ZNF804A: variants seen among roughly 807,000 people sequenced by gnomAD.
ZNF804A encodes the protein zinc finger protein 804A.
A neutral mutation model predicts 16.5 loss-of-function variants in ZNF804A; 2 were observed. The ratio of observed to expected loss-of-function variants is 0.12; its 90% CI spans 0.05 to 0.38. ZNF804A has a LOEUF of 0.38. ZNF804A is among the 10% of genes least tolerant of loss of function. ZNF804A has a pLI of 0.99. For missense variants in ZNF804A, 1,473 were observed against 1,390.7 expected (o/e 1.06, Z -0.94); for synonymous variants, 534 against 489.6 (o/e 1.09, Z -1.20).
chr2:184,911,468 C>G (rs1324636259), intron 2 of ZNF804A, among the ~76,000 whole-genome samples: 2 of 151,898 alleles, frequency 1.3e-5, no homozygotes, highest in Non-Finnish European at 2.9e-5. Context: ...TTTTTGGTTC[C>G]TTATCCATTT....
chr2:184,829,917 A>AAAAAAC (rs1558974918), intron 1 of ZNF804A, among the ~76,000 whole-genome samples: 1 of 106,394 alleles, frequency 9.4e-6, no homozygotes, highest in East Asian at 2.2e-4. Context: ...AAAAAAAAAA[A>AAAAAAC]AAAAACAAAA....
chr2:184,938,698 C>T lies in ZNF804A; in HGVS notation c.3302C>T (p.Thr1101Ile). Residue 1101 changes from threonine (T) to isoleucine (I), a missense_variant, in exon 4 of 4, where the codon ACT becomes ATT. Physicochemically the swap from Thr to Ile is moderately conservative, Grantham distance 89. Coordinates refer to ENST00000302277, the MANE Select transcript of ZNF804A (RefSeq NM_194250.2). ...ACCTCTGTAACCACTATCCATCACA[C>T]TGTTTTGCAGCAGCACGCTGCAGCT... ...CSTSVTTIHHTVLQQHAAAAA... is the reference protein window; with the variant it reads ...CSTSVTTIHHIVLQQHAAAAA... 1 of 1,613,808 alleles carries T rather than the reference C, an allele frequency of 6.2e-7. No individual in the cohort carries two copies. The highest frequency in any genetic ancestry group is 8.5e-7 in the Non-Finnish European group (1 of 1,179,874).
chr2:184,731,929 G>A (rs999913879), intron 1 of ZNF804A, among the ~76,000 whole-genome samples: 2 of 151,902 alleles, frequency 1.3e-5, no homozygotes, highest in African/African-American at 4.8e-5. Flanking sequence ...AACTGTTAAT[G>A]TTTCTTTGTA....
intron 1 of ZNF804A, among the ~76,000 whole-genome samples, chr2:184,636,175 A>G (rs536167554): frequency 3.3e-5 from 5 of 152,270 alleles, no homozygotes; most frequent in Non-Finnish European, 5.9e-5. Context: ...TGATAGTAGA[A>G]AAGACTGAAA....
At chr2:184,640,630 A>G (rs1433211326) in intron 1 of ZNF804A, among the ~76,000 whole-genome samples, 2 of 152,176 alleles carry the variant, frequency 1.3e-5, no homozygotes, top group Non-Finnish European at 2.9e-5. Flanking sequence ...TAAGGATGAT[A>G]TATAATATCA....
At position 184,939,219 on chromosome 2, in the gene ZNF804A, T is replaced by G. The variant is rs1244143993; in HGVS notation, c.*193T>G. The G allele has an allele frequency of 8.3e-6, 5 of 603,552 alleles. No individual in the cohort carries two copies. In the Admixed American group the frequency reaches 1.6e-4, roughly 19 times the overall value. 37.4% of individuals were successfully genotyped at this position (603,552 alleles called of 1,614,324 possible). A position where few individuals can be genotyped will look rare whatever the true frequency, so the allele number is the denominator to read the frequency against. On this transcript the variant is annotated 3_prime_UTR_variant, in exon 4 of 4. Transcript: ENST00000302277. ...CCTAAGTTTCTGATATATAATATTATTAAAGCACTGAATAGTTTGAAAATC... is the reference window on the plus strand; with the variant it reads ...CCTAAGTTTCTGATATATAATATTAGTAAAGCACTGAATAGTTTGAAAATC...
At chr2:184,896,587 A>T (rs1276108329) in intron 2 of ZNF804A, among the ~76,000 whole-genome samples, 1 of 152,098 alleles carries the variant, frequency 6.6e-6, no homozygotes, top group Non-Finnish European at 1.5e-5. Flanking sequence ...ATGAAATTTG[A>T]CAGGATTGGC....
At position 184,867,489 on chromosome 2, in the gene ZNF804A, A is replaced by G. The variant is rs143600807; in HGVS notation, c.255+977A>G. Among the ~76,000 whole-genome samples, 608 of 152,196 alleles carry G rather than the reference A, an allele frequency of 4.0e-3. 4 individuals carry two copies. The highest frequency in any genetic ancestry group is 0.014 in the African/African-American group (568 of 41,574). On this transcript the variant is annotated intron_variant, in intron 2 of 3. Coordinates refer to ENST00000302277, the MANE Select transcript of ZNF804A (RefSeq NM_194250.2). ...ATTGTGTGTACTTCCTTTGCTGTCA[A>G]TCCTGCAGTCGTTCATACCAACTAC...
At chr2:184,675,025 T>C (rs983958705) in intron 1 of ZNF804A, among the ~76,000 whole-genome samples, 7 of 151,820 alleles carry the variant, frequency 4.6e-5, no homozygotes, top group African/African-American at 1.7e-4. Context: ...TAGTTATGTA[T>C]ATACGTATGT....
chr2:184,659,227 T>C (rs1692128258), intron 1 of ZNF804A, among the ~76,000 whole-genome samples: 1 of 152,178 alleles, frequency 6.6e-6, no homozygotes, highest in Non-Finnish European at 1.5e-5. Context: ...GGCTTATTAC[T>C]ACAGAGGTTA....
At chr2:184,632,790 G>A (rs1466717007) in intron 1 of ZNF804A, among the ~76,000 whole-genome samples, 6 of 152,096 alleles carry the variant, frequency 3.9e-5, no homozygotes, top group Admixed American at 3.9e-4. Context: ...AAGGAAAAGG[G>A]GAAGACAAAG....
chr2:184,858,624 G>T (rs1243529883), intron 1 of ZNF804A, among the ~76,000 whole-genome samples: 1 of 151,758 alleles, frequency 6.6e-6, no homozygotes, highest in African/African-American at 2.4e-5. Flanking sequence ...TTAATAGTGT[G>T]TTTTTGTTAA....
chr2:184,798,877 G>C (rs1694678589), intron 1 of ZNF804A, among the ~76,000 whole-genome samples: 1 of 152,098 alleles, frequency 6.6e-6, no homozygotes, highest in Non-Finnish European at 1.5e-5. Context: ...CAGAGGGAAG[G>C]TCTAGGGTTG....
intron 1 of ZNF804A, among the ~76,000 whole-genome samples, chr2:184,686,761 G>T (rs1574162685): frequency 6.6e-6 from 1 of 152,132 alleles, no homozygotes; most frequent in Non-Finnish European, 1.5e-5. Flanking sequence ...TTATCTCATT[G>T]TGGTTTTGAT....
At chr2:184,799,574 G>A (rs1014995216) in intron 1 of ZNF804A, among the ~76,000 whole-genome samples, 4 of 152,134 alleles carry the variant, frequency 2.6e-5, no homozygotes, top group African/African-American at 9.7e-5. Context: ...CCAAGCTGCA[G>A]TGAAGTAGTG....
chr2:184,634,835 G>A (rs1691669423), intron 1 of ZNF804A, among the ~76,000 whole-genome samples: 1 of 152,090 alleles, frequency 6.6e-6, no homozygotes, highest in Admixed American at 6.6e-5. Context: ...TACAACAATA[G>A]GAAACTAATA....
At chr2:184,845,065 T>C (rs899525724) in intron 1 of ZNF804A, among the ~76,000 whole-genome samples, 2 of 152,048 alleles carry the variant, frequency 1.3e-5, no homozygotes, top group African/African-American at 4.8e-5. Flanking sequence ...TTTTTATTTA[T>C]TCTTAGCATT....
At chr2:184,775,628 C>A (rs567566450) in intron 1 of ZNF804A, among the ~76,000 whole-genome samples, 132 of 151,734 alleles carry the variant, frequency 8.7e-4, no homozygotes, top group African/African-American at 3.2e-3. Context: ...TAGTAAACAA[C>A]AAATTGTTCT....
intron 1 of ZNF804A, among the ~76,000 whole-genome samples, chr2:184,854,997 A>C (rs1400550988): frequency 6.6e-6 from 1 of 152,100 alleles, no homozygotes; most frequent in Non-Finnish European, 1.5e-5. Context: ...AAAGGAGTAG[A>C]AAATTCATCA....
Sources: gnomAD v4.1 joint callset for allele counts (sites outside exome capture counted in the v4.1 genomes callset) on GRCh38, gnomAD v4.1.1 for gene constraint, MANE v1.5 for transcripts, NCBI Gene and HGNC (gene_info 2026-07-23, HGNC 2026-07-21) for gene names.